Variants in MAST2 observed in about 807,000 individuals in gnomAD.
MAST2 encodes the protein microtubule-associated serine/threonine-protein kinase 2.
In MAST2, 70 loss-of-function variants were observed where a neutral mutation model predicts 147.4. The observed-to-expected ratio is 0.47, with a 90% CI of 0.39 to 0.58. The LOEUF (loss-of-function observed/expected upper bound fraction) is 0.58. MAST2 is among the 20% of genes least tolerant of loss of function. The pLI, the probability that MAST2 is intolerant of heterozygous loss-of-function variation, is 0.00. For missense variants in MAST2, 2,080 were observed against 2,302.3 expected (o/e 0.90, Z 1.98); for synonymous variants, 869 against 896.8 (o/e 0.97, Z 0.55).
chr1:45,923,189 A>G (rs1180511375), intron 4 of MAST2, among the ~76,000 whole-genome samples: 1 of 152,084 alleles, frequency 6.6e-6, no homozygotes, highest in African/African-American at 2.4e-5. Flanking sequence ...GCCTGGCCCA[A>G]TTGTGGCAGT....
chr1:45,864,388 C>A (rs1646076074), intron 3 of MAST2, among the ~76,000 whole-genome samples: 1 of 152,152 alleles, frequency 6.6e-6, no homozygotes, highest in Non-Finnish European at 1.5e-5. Context: ...AATGATCTAG[C>A]TCCTGAAGAA....
At chr1:45,973,028 TA>T (rs1419312302) in intron 5 of MAST2, among the ~76,000 whole-genome samples, 2 of 152,306 alleles carry the variant, frequency 1.3e-5, no homozygotes, top group African/African-American at 4.8e-5. Context: ...GAATCTTACA[TA>T]TCATTAATTT....
At chr1:45,826,670 A>G (rs1350241988) in intron 2 of MAST2, among the ~76,000 whole-genome samples, 1 of 151,760 alleles carries the variant, frequency 6.6e-6, no homozygotes, top group East Asian at 1.9e-4. Context: ...CTTAATTGCA[A>G]TCCCCTCCAT....
rs748196521 is a variant in MAST2, at chr1:46,034,506, TTGTC to T, written c.3869-14_3869-11del. 5.5e-4 allele frequency: 875 copies of T among 1,584,638 alleles called. 1 individual carries two copies. Among genetic ancestry groups the T allele is most frequent in the Middle Eastern group, 8.4e-4 (5 of 5,970 alleles). ...TCTAACAGCTAACACTGCTCTGCTT[TTGTC>T]TGTCTGTCTGTCTGTCTCTGTACAA... On this transcript the variant is annotated intron_variant, in intron 28 of 28. Coordinates refer to ENST00000361297, the MANE Select transcript of MAST2 (RefSeq NM_015112.3).
intron 4 of MAST2, among the ~76,000 whole-genome samples, chr1:45,924,164 C>G (rs867120434): frequency 6.6e-6 from 1 of 152,112 alleles, no homozygotes; most frequent in East Asian, 1.9e-4. Flanking sequence ...CCACCACACT[C>G]GGCAAAAAAA....
At chr1:46,026,177 C>T (rs1646401870) in intron 16 of MAST2, among the ~76,000 whole-genome samples, 2 of 152,130 alleles carry the variant, frequency 1.3e-5, no homozygotes, top group Admixed American at 6.5e-5. Context: ...TAAATGTAGT[C>T]CCTGGCATGT....
At chr1:45,806,535 G>A (rs183282297) in intron 1 of MAST2, among the ~76,000 whole-genome samples, 487 of 152,274 alleles carry the variant, frequency 3.2e-3, no homozygotes, top group African/African-American at 0.011. Flanking sequence ...AAGTAGCTGG[G>A]ACCATAGGCA....
At chr1:45,923,000 G>A (rs1006517591) in intron 4 of MAST2, among the ~76,000 whole-genome samples, 2 of 152,154 alleles carry the variant, frequency 1.3e-5, no homozygotes, top group African/African-American at 4.8e-5. Flanking sequence ...GCTGCTGTGG[G>A]GTGCCGCTTT....
At chr1:45,961,594 T>C (rs1660426697) in intron 5 of MAST2, among the ~76,000 whole-genome samples, 1 of 152,166 alleles carries the variant, frequency 6.6e-6, no homozygotes, top group Non-Finnish European at 1.5e-5. Flanking sequence ...ACTTTACAAA[T>C]GTTAGCATCT....
At chr1:46,006,207 C>G (rs1290748528) in intron 7 of MAST2, 34 bp from the exon 8 acceptor site, 1 of 1,593,470 alleles carries the variant, frequency 6.3e-7, no homozygotes, top group South Asian at 1.1e-5. Flanking sequence ...TGGGACATGT[C>G]TTTAATGCCA....
rs143808281 is a variant in MAST2 at position 45,876,687 on chromosome 1, G to T, written c.469-5677G>T. 2.8e-3 allele frequency among the ~76,000 whole-genome samples: 419 copies of T among 152,310 alleles called. 2 individuals carry two copies. Among genetic ancestry groups the T allele is most frequent in the African/African-American group, 9.3e-3 (387 of 41,570 alleles). The stretch of plus-strand genomic sequence containing the variant: ...AGGATTGAGAAATCATTGCTCCTTG[G>T]ACTACCTTTATGTGGTTGGGCCCTT... On this transcript the variant is annotated intron_variant, in intron 3 of 28. Coordinates refer to ENST00000361297, the MANE Select transcript of MAST2 (RefSeq NM_015112.3).
At chr1:45,925,014 G>A (rs565608909) in intron 4 of MAST2, among the ~76,000 whole-genome samples, 6 of 152,238 alleles carry the variant, frequency 3.9e-5, no homozygotes, top group Non-Finnish European at 8.8e-5. Context: ...ACTTGGTTAT[G>A]TATGGCAACC....
intron 10 of MAST2, among the ~76,000 whole-genome samples, chr1:46,017,068 A>G (rs1285083307): frequency 6.6e-6 from 1 of 152,220 alleles, no homozygotes; most frequent in African/African-American, 2.4e-5. Flanking sequence ...AAAATAAGCA[A>G]TGGGGAAAGG....
chr1:45,931,377 GTTTTTT>G lies in MAST2; in HGVS notation c.501-27992_501-27987del, dbSNP rs71587091. Among the ~76,000 whole-genome samples, 8 of 101,206 alleles carry G rather than the reference GTTTTTT, an allele frequency of 7.9e-5. No homozygotes were observed. The South Asian group carries it at 2.5e-3, about 31-fold the overall frequency. 66.4% of individuals were successfully genotyped at this position (101,206 alleles called of 152,430 possible). ...TCACAAAAAGGTGGTATTGTGTTCTGTTTTTTTTTTTTTTTTTTTTTTGAGATAGAG... is the reference window on the plus strand; with the variant it reads ...TCACAAAAAGGTGGTATTGTGTTCTGTTTTTTTTTTTTTTTTGAGATAGAG... On this transcript the variant is annotated intron_variant, in intron 4 of 28. Coordinates refer to ENST00000361297, the MANE Select transcript of MAST2 (RefSeq NM_015112.3).
At chr1:45,886,397 T>C (rs1647091673) in intron 4 of MAST2, among the ~76,000 whole-genome samples, 2 of 151,626 alleles carry the variant, frequency 1.3e-5, no homozygotes, top group African/African-American at 2.4e-5. Flanking sequence ...TACATTCTAA[T>C]ACGCAAAATG....
chr1:45,963,196 C>A (rs1472702789), intron 5 of MAST2, among the ~76,000 whole-genome samples: 1 of 152,042 alleles, frequency 6.6e-6, no homozygotes, highest in Non-Finnish European at 1.5e-5. Context: ...GTCAGATAGC[C>A]TGATGCCTCC....
At chr1:45,860,347 G>GC (rs1019072431) in intron 3 of MAST2, among the ~76,000 whole-genome samples, 4 of 146,582 alleles carry the variant, frequency 2.7e-5, no homozygotes, top group African/African-American at 1.0e-4. Flanking sequence ...TCATGCCACT[G>GC]CACTCCAGCC....
chr1:45,959,283 C>G, intron 4 of MAST2, 103 bp from the exon 5 acceptor site: 2 of 774,612 alleles, frequency 2.6e-6, no homozygotes, highest in Non-Finnish European at 4.4e-6. Context: ...GTATACTGTG[C>G]GGCCCGTGGA....
At chr1:45,924,302 G>A (rs759221712) in intron 4 of MAST2, among the ~76,000 whole-genome samples, 1 of 152,212 alleles carries the variant, frequency 6.6e-6, no homozygotes, top group Non-Finnish European at 1.5e-5. Context: ...AGTGAAAACG[G>A]TGATGAACCT....
Sources: allele counts gnomAD v4.1 joint callset (sites outside exome capture counted in the v4.1 genomes callset), GRCh38; gene constraint gnomAD v4.1.1; transcripts MANE v1.5; gene names NCBI Gene and HGNC (gene_info 2026-07-23, HGNC 2026-07-21).